CNTNAP2: variants seen among roughly 807,000 people sequenced by gnomAD.
The protein encoded by CNTNAP2 is contactin associated protein 2, also known as contactin-associated protein-like 2.
CNTNAP2 carries 98 observed loss-of-function variants against 155.2 expected under a neutral mutation model. The observed-to-expected ratio is 0.63, with a 90% CI of 0.54 to 0.75. CNTNAP2 has a LOEUF of 0.75. Among genes scored for constraint, CNTNAP2 ranks in the 30% least tolerant of loss-of-function variants. The pLI is 0.00. For missense variants in CNTNAP2, 1,727 were observed against 1,688.1 expected (o/e 1.02, Z -0.40); for synonymous variants, 651 against 631.2 (o/e 1.03, Z -0.47).
chr7:147,377,267 C>T (rs1027738672), intron 9 of CNTNAP2, among the ~76,000 whole-genome samples: 1 of 151,040 alleles, frequency 6.6e-6, no homozygotes, highest in African/African-American at 2.4e-5. Context: ...TTATTAAATT[C>T]CAACATAGCT....
chr7:148,335,549 A>G (rs1798102207), intron 21 of CNTNAP2, among the ~76,000 whole-genome samples: 1 of 152,230 alleles, frequency 6.6e-6, no homozygotes, highest in South Asian at 2.1e-4. Context: ...CAACTGCTGT[A>G]TCAGATATAC....
At chr7:147,043,126 A>G (rs58583544) in intron 3 of CNTNAP2, among the ~76,000 whole-genome samples, 1,715 of 152,174 alleles carry the variant, frequency 0.011, 34 homozygotes, top group African/African-American at 0.04. Context: ...TTGAGAGTCG[A>G]GTCTATGGTT....
intron 7 of CNTNAP2, among the ~76,000 whole-genome samples, chr7:147,130,113 G>T (rs981067466): frequency 2.6e-5 from 4 of 152,014 alleles, no homozygotes; most frequent in African/African-American, 9.7e-5. Flanking sequence ...ATGAGTAGGA[G>T]ATAAAAAGAT....
At chr7:146,936,379 G>A (rs1796914346) in intron 3 of CNTNAP2, among the ~76,000 whole-genome samples, 1 of 152,124 alleles carries the variant, frequency 6.6e-6, no homozygotes, top group Non-Finnish European at 1.5e-5. Context: ...TCTGTATAAG[G>A]AGGTACCATC....
At chr7:147,320,913 T>C (rs1795339762) in intron 9 of CNTNAP2, among the ~76,000 whole-genome samples, 1 of 152,196 alleles carries the variant, frequency 6.6e-6, no homozygotes, top group South Asian at 2.1e-4. Context: ...GATTAAGGAC[T>C]GCTGAAGTCA....
intron 13 of CNTNAP2, among the ~76,000 whole-genome samples, chr7:147,873,805 G>A (rs1799375994): frequency 1.3e-5 from 2 of 152,132 alleles, no homozygotes. Flanking sequence ...CTATGAGCCT[G>A]TAAAATCAAA....
At chr7:147,031,746 C>G (rs1012811571) in intron 3 of CNTNAP2, among the ~76,000 whole-genome samples, 4 of 152,128 alleles carry the variant, frequency 2.6e-5, no homozygotes, top group African/African-American at 7.2e-5. Context: ...GGTGAAACCT[C>G]ATCTCTACTA....
chr7:146,826,915 C>A (rs1803416053), intron 2 of CNTNAP2, among the ~76,000 whole-genome samples: 1 of 144,492 alleles, frequency 6.9e-6, no homozygotes, highest in African/African-American at 2.6e-5. Context: ...ATAAATTAAG[C>A]CAAGAATAAA....
At chr7:147,547,808 T>C (rs913272633) in intron 11 of CNTNAP2, among the ~76,000 whole-genome samples, 1 of 152,086 alleles carries the variant, frequency 6.6e-6, no homozygotes, top group Non-Finnish European at 1.5e-5. Flanking sequence ...CCTCTCCGTG[T>C]CCATGTGTTC....
intron 15 of CNTNAP2, among the ~76,000 whole-genome samples, chr7:148,023,130 T>C (rs1377966165): frequency 6.6e-6 from 1 of 152,136 alleles, no homozygotes; most frequent in East Asian, 1.9e-4. Flanking sequence ...AAACCGCAGC[T>C]CCCATAGGTC....
chr7:147,034,629 A>G (rs1799111648), intron 3 of CNTNAP2, among the ~76,000 whole-genome samples: 1 of 152,148 alleles, frequency 6.6e-6, no homozygotes, highest in African/African-American at 2.4e-5. Flanking sequence ...ATCGGATCAC[A>G]TGTGGTCTTC....
At chr7:147,760,601 C>T (rs1294673580) in intron 13 of CNTNAP2, among the ~76,000 whole-genome samples, 1 of 152,142 alleles carries the variant, frequency 6.6e-6, no homozygotes, top group Non-Finnish European at 1.5e-5. Context: ...TCATGTCAAG[C>T]CATGTAGATA....
At chr7:146,665,789 A>AAAAAAAAAAAAAAAAAAAAAAAAAC (rs1408460775) in intron 1 of CNTNAP2, among the ~76,000 whole-genome samples, 2 of 146,794 alleles carry the variant, frequency 1.4e-5, no homozygotes, top group East Asian at 2.0e-4. Context: ...TCATTAAAAA[A>AAAAAAAAAAAAAAAAAAAAAAAAAC]AAAAAAAAAT....
At chr7:146,237,053 G>A (rs17579058) in intron 1 of CNTNAP2, among the ~76,000 whole-genome samples, 63,532 of 147,738 alleles carry the variant, frequency 0.43, 15,089 homozygotes, top group East Asian at 0.57. Flanking sequence ...AGAAAAACAC[G>A]GGGGGAGCTA....
intron 10 of CNTNAP2, among the ~76,000 whole-genome samples, chr7:147,445,837 C>T (rs1797726828): frequency 6.6e-6 from 1 of 152,020 alleles, no homozygotes; most frequent in South Asian, 2.1e-4. Flanking sequence ...CTCTGTCACT[C>T]AGGCTAGAGT....
chr7:148,258,594 G>A (rs1796499109), intron 20 of CNTNAP2, among the ~76,000 whole-genome samples: 1 of 152,198 alleles, frequency 6.6e-6, no homozygotes, highest in Admixed American at 6.5e-5. Flanking sequence ...AAGTCTGTGG[G>A]AATTTCTAGT....
chr7:147,021,962 A>T (rs1167894273), intron 3 of CNTNAP2, among the ~76,000 whole-genome samples: 1 of 151,864 alleles, frequency 6.6e-6, no homozygotes, highest in African/African-American at 2.4e-5. Flanking sequence ...TGGCTATGCA[A>T]CCCTATTTTC....
intron 14 of CNTNAP2, among the ~76,000 whole-genome samples, chr7:147,934,270 AAG>A (rs776353354): frequency 1.2e-4 from 18 of 152,176 alleles, no homozygotes; most frequent in Non-Finnish European, 2.5e-4. Context: ...TTAAAAAAGA[AAG>A]AGGTTTAATT....
At chr7:146,665,691 G>A (rs1352576388) in intron 1 of CNTNAP2, among the ~76,000 whole-genome samples, 1 of 147,742 alleles carries the variant, frequency 6.8e-6, no homozygotes, top group Non-Finnish European at 1.5e-5. Flanking sequence ...TGAGACAGGA[G>A]AATCGCTTAA....
Sources: allele counts gnomAD v4.1 joint callset (sites outside exome capture counted in the v4.1 genomes callset), GRCh38; gene constraint gnomAD v4.1.1; transcripts MANE v1.5; gene names NCBI Gene and HGNC (gene_info 2026-07-23, HGNC 2026-07-21).